The following RSF1 variants were observed in gnomAD, a reference collection of about 807,000 sequenced individuals.
RSF1 encodes remodeling and spacing factor 1, also known as HBV pX-associated protein 8.
Under a neutral mutation model 145.2 loss-of-function variants are expected in RSF1, and 13 were observed. The ratio of observed to expected loss-of-function variants is 0.09; its 90% CI spans 0.06 to 0.14. The LOEUF (loss-of-function observed/expected upper bound fraction) is 0.14. Ranked by LOEUF, RSF1 falls within the 10% of genes least tolerant of loss-of-function variation. The pLI is 1.00. For missense variants in RSF1, 1,517 were observed against 1,718.2 expected, an observed-to-expected ratio of 0.88 and a Z score of 2.07; for synonymous variants, 577 against 592.6, an observed-to-expected ratio of 0.97 and a Z score of 0.38.
chr11:77,816,660 T>A (rs1039360968), intron 1 of RSF1, among the ~76,000 whole-genome samples: 1 of 152,204 alleles, frequency 6.6e-6, no homozygotes, highest in African/African-American at 2.4e-5. Flanking sequence ...AGTAGTATAG[T>A]TTCCTCTTGA....
At chr11:77,693,752 T>G in intron 7 of RSF1, 141 bp from the exon 8 acceptor site, 1 of 378,202 alleles carries the variant, frequency 2.6e-6, no homozygotes, top group Non-Finnish European at 4.8e-6. Context: ...GCTCTGATGA[T>G]TAGGGATCTG....
chr11:77,764,342 A>C (rs1025476895), intron 2 of RSF1: 6 of 349,942 alleles, frequency 1.7e-5, no homozygotes, highest in Non-Finnish European at 2.5e-5. Flanking sequence ...AAATGAGAAA[A>C]GACATGAAAA....
chr11:77,730,433 C>G (rs998608304), intron 4 of RSF1, among the ~76,000 whole-genome samples: 4 of 152,146 alleles, frequency 2.6e-5, no homozygotes, highest in African/African-American at 9.7e-5. Flanking sequence ...GCACTCAGTT[C>G]ATCAGTTCTG....
At chr11:77,679,937 T>C (rs901328268) in intron 11 of RSF1, among the ~76,000 whole-genome samples, 1 of 152,188 alleles carries the variant, frequency 6.6e-6, no homozygotes, top group African/African-American at 2.4e-5. Flanking sequence ...ACGCTAAAAA[T>C]GGTAATTACT....
At position 77,661,772 on chromosome 11, in the gene RSF1, TTTTTTGCAACA is replaced by T. The variant is rs1959237676; in HGVS notation, c.*5134_*5144del. The T allele has an allele frequency of 6.6e-6, 1 of 152,010 alleles. No individual in the cohort carries two copies. The highest frequency in any genetic ancestry group is 2.4e-5 in the African/African-American group (1 of 41,420). 9.4% of individuals were successfully genotyped at this position (152,010 alleles called of 1,614,324 possible). ...CTCAAGCAAAATAAACTTTTTTTTTTTTTTTGCAACATACAAAATAAGTTAAATGATTCAGA... is the reference window on the plus strand; with the variant it reads ...CTCAAGCAAAATAAACTTTTTTTTTTTACAAAATAAGTTAAATGATTCAGA... On this transcript the variant is annotated 3_prime_UTR_variant, in exon 16 of 16. Transcript: ENST00000308488.
chr11:77,826,506 T>C, the RSF1 span, among the ~76,000 whole-genome samples: 5 of 152,200 alleles, frequency 3.3e-5, no homozygotes, highest in East Asian at 9.6e-4. Flanking sequence ...AGGCCTGATA[T>C]TCACTTGTAT....
chr11:77,832,577 C>A, the RSF1 span, among the ~76,000 whole-genome samples: 1 of 152,042 alleles, frequency 6.6e-6, no homozygotes, highest in Non-Finnish European at 1.5e-5. Context: ...CCACCCGCCT[C>A]AGCCTCCCAA....
At chr11:77,738,108 G>A (rs1412511396) in intron 4 of RSF1, among the ~76,000 whole-genome samples, 6 of 152,200 alleles carry the variant, frequency 3.9e-5, no homozygotes, top group African/African-American at 7.2e-5. Flanking sequence ...CCGCCTGGGC[G>A]ACAGAGTGAG....
intron 4 of RSF1, among the ~76,000 whole-genome samples, chr11:77,730,450 G>A (rs1961177827): frequency 6.6e-6 from 1 of 151,938 alleles, no homozygotes; most frequent in Non-Finnish European, 1.5e-5. Flanking sequence ...TCTGACAAAT[G>A]CATACATTGT....
At chr11:77,819,552 CAAT>C (rs1215993932) in intron 1 of RSF1, among the ~76,000 whole-genome samples, 2 of 152,164 alleles carry the variant, frequency 1.3e-5, no homozygotes. Context: ...TTGCGAACAC[CAAT>C]AATAGACCAG....
chr11:77,685,166 G>A lies in RSF1; in HGVS notation c.2901-7C>T. The A allele has an allele frequency of 6.5e-7, 1 of 1,526,758 alleles. No homozygotes were observed. The allele number at this position is 1,526,758 out of a possible 1,614,324, so 94.6% of individuals were successfully genotyped here. On this transcript the variant is annotated splice_region_variant and splice_polypyrimidine_tract_variant and intron_variant, in intron 9 of 15. Transcript: ENST00000308488. ...ATACACCAAGCGTTCTTTTCTTTAG[G>A]TGAAAAACAAACAAAATACATGAGA...
At chr11:77,711,434 C>T (rs1002960355) in intron 5 of RSF1, among the ~76,000 whole-genome samples, 4 of 152,052 alleles carry the variant, frequency 2.6e-5, no homozygotes, top group African/African-American at 4.8e-5. Context: ...CTGTGGAGGC[C>T]GAGGCGAGCG....
the RSF1 span, among the ~76,000 whole-genome samples, chr11:77,848,025 G>A: frequency 6.6e-6 from 1 of 152,150 alleles, no homozygotes; most frequent in Non-Finnish European, 1.5e-5. Flanking sequence ...ATTGGATGAT[G>A]CCTACCAACA....
At chr11:77,861,623 C>T in the RSF1 span, among the ~76,000 whole-genome samples, 22 of 152,294 alleles carry the variant, frequency 1.4e-4, no homozygotes, top group South Asian at 3.9e-3. Context: ...CTTGACATAA[C>T]GGGCATGGAC....
intron 1 of RSF1, among the ~76,000 whole-genome samples, chr11:77,781,335 G>C (rs1018963060): frequency 6.6e-6 from 1 of 152,192 alleles, no homozygotes; most frequent in African/African-American, 2.4e-5. Flanking sequence ...CTGACCTCAA[G>C]TGTTCTGCCC....
intron 15 of RSF1, among the ~76,000 whole-genome samples, chr11:77,671,208 T>TATATATATAC (rs201762575): frequency 8.6e-6 from 1 of 116,668 alleles, no homozygotes; most frequent in African/African-American, 3.4e-5. Flanking sequence ...TATATATATA[T>TATATATATAC]ACACTATATA....
the RSF1 span, among the ~76,000 whole-genome samples, chr11:77,862,860 G>C: frequency 1.3e-5 from 2 of 152,112 alleles, no homozygotes; most frequent in African/African-American, 4.8e-5. Flanking sequence ...AAAAATATAA[G>C]TCGTTTCTTT....
At chr11:77,725,054 G>A (rs1961021711) in intron 5 of RSF1, among the ~76,000 whole-genome samples, 1 of 152,168 alleles carries the variant, frequency 6.6e-6, no homozygotes. Context: ...ATAGCAGAAT[G>A]AGAGATGCCA....
At chr11:77,855,718 G>GTTTT in the RSF1 span, among the ~76,000 whole-genome samples, 1 of 79,202 alleles carries the variant, frequency 1.3e-5, no homozygotes, top group African/African-American at 5.4e-5. Context: ...CCAGTTTTAT[G>GTTTT]TCTTTTTTTT....
Sources: gnomAD v4.1 joint callset for allele counts (sites outside exome capture counted in the v4.1 genomes callset) on GRCh38, gnomAD v4.1.1 for gene constraint, MANE v1.5 for transcripts, NCBI Gene and HGNC (gene_info 2026-07-23, HGNC 2026-07-21) for gene names.